WWOX: variants seen among roughly 807,000 people sequenced by gnomAD.
The protein encoded by WWOX is WW domain containing oxidoreductase.
In WWOX, 69 loss-of-function variants were observed where a neutral mutation model predicts 46.2. The observed-to-expected ratio is 1.49, with a 90% CI of 1.23 to 1.82. WWOX has a LOEUF of 1.82. WWOX is among the 40% of genes most tolerant of loss of function. The pLI is 0.00. For synonymous variants in WWOX, 359 were observed against 202.6 expected, an observed-to-expected ratio of 1.77 and a Z score of -6.56; for missense variants, 919 against 542.6, an observed-to-expected ratio of 1.69 and a Z score of -6.89.
chr16:78,957,747 C>T (rs1032021072), intron 8 of WWOX, among the ~76,000 whole-genome samples: 1 of 152,186 alleles, frequency 6.6e-6, no homozygotes, highest in African/African-American at 2.4e-5. Context: ...TTGGCAAACA[C>T]CATAGGAACG....
intron 8 of WWOX, among the ~76,000 whole-genome samples, chr16:78,857,236 T>C (rs12935224): frequency 0.48 from 72,580 of 151,974 alleles, 17,991 homozygotes; most frequent in Middle Eastern, 0.68. Flanking sequence ...AAGAAATTCA[T>C]TGAAAAGAAT....
intron 6 of WWOX, among the ~76,000 whole-genome samples, chr16:78,423,998 C>G (rs4575544): frequency 0.29 from 43,526 of 151,842 alleles, 10,561 homozygotes; most frequent in African/African-American, 0.66. Context: ...CTTCTCTTTA[C>G]ACAGAGCGAT....
At chr16:79,154,711 T>C (rs1326134249) in intron 8 of WWOX, among the ~76,000 whole-genome samples, 1 of 152,136 alleles carries the variant, frequency 6.6e-6, no homozygotes, top group East Asian at 1.9e-4. Context: ...ACTTTCATAG[T>C]GTATGTGGAT....
At chr16:78,601,989 G>A (rs1406041123) in intron 8 of WWOX, among the ~76,000 whole-genome samples, 1 of 152,112 alleles carries the variant, frequency 6.6e-6, no homozygotes, top group Non-Finnish European at 1.5e-5. Context: ...ATAAATTATA[G>A]AGTCAGGCAA....
At chr16:79,122,928 G>A (rs2049669875) in intron 8 of WWOX, among the ~76,000 whole-genome samples, 1 of 152,286 alleles carries the variant, frequency 6.6e-6, no homozygotes, top group East Asian at 1.9e-4. Context: ...GGCAGCAATG[G>A]GACCCTTGCC....
intron 8 of WWOX, among the ~76,000 whole-genome samples, chr16:79,097,776 A>G (rs1245320394): frequency 6.6e-6 from 1 of 152,204 alleles, no homozygotes; most frequent in East Asian, 1.9e-4. Context: ...ATAAGAGAGT[A>G]GCGGGGCTGA....
chr16:78,820,746 A>C (rs189124068), intron 8 of WWOX, among the ~76,000 whole-genome samples: 1 of 152,200 alleles, frequency 6.6e-6, no homozygotes, highest in Admixed American at 6.5e-5. Context: ...TCATTGTTTC[A>C]TGGTTTTGGT....
intron 8 of WWOX, among the ~76,000 whole-genome samples, chr16:78,539,317 T>A (rs1013600981): frequency 6.6e-6 from 1 of 152,256 alleles, no homozygotes; most frequent in African/African-American, 2.4e-5. Context: ...TGAGGATTAA[T>A]TGAAATAACT....
intron 6 of WWOX, among the ~76,000 whole-genome samples, chr16:78,391,494 C>T (rs904322452): frequency 3.9e-5 from 6 of 152,186 alleles, no homozygotes; most frequent in Non-Finnish European, 7.3e-5. Context: ...TGTTACTTTG[C>T]ACACTTCAGT....
intron 8 of WWOX, among the ~76,000 whole-genome samples, chr16:79,042,890 T>G (rs2047999321): frequency 6.6e-6 from 1 of 152,226 alleles, no homozygotes; most frequent in African/African-American, 2.4e-5. Context: ...TCTATTCATG[T>G]GTCCCTGGAT....
At chr16:79,078,269 A>T (rs1157367026) in intron 8 of WWOX, 1 of 152,204 alleles carries the variant, frequency 6.6e-6, no homozygotes, top group East Asian at 1.9e-4. Context: ...GTTTGGTGAC[A>T]CAACTCTTCC....
At chr16:78,492,152 G>C (rs370867874) in intron 8 of WWOX, among the ~76,000 whole-genome samples, 1 of 152,190 alleles carries the variant, frequency 6.6e-6, no homozygotes, top group African/African-American at 2.4e-5. Flanking sequence ...GATGAGTGGC[G>C]TTTCCACACA....
intron 5 of WWOX, among the ~76,000 whole-genome samples, chr16:78,220,220 C>T (rs1278652491): frequency 6.6e-6 from 1 of 152,102 alleles, no homozygotes; most frequent in Admixed American, 6.5e-5. Flanking sequence ...CTTTGGCCTC[C>T]CATGTGGGTA....
chr16:78,181,273 C>T (rs926099534), intron 5 of WWOX, among the ~76,000 whole-genome samples: 2 of 151,990 alleles, frequency 1.3e-5, no homozygotes, highest in South Asian at 2.1e-4. Context: ...GGCTTTGCAT[C>T]GTGGTGACGG....
chr16:78,468,789 T>G (rs2084148644), intron 8 of WWOX, among the ~76,000 whole-genome samples: 1 of 152,156 alleles, frequency 6.6e-6, no homozygotes, highest in Admixed American at 6.5e-5. Context: ...ACAGCAACAA[T>G]CTATATTCTG....
chr16:78,690,984 A>T (rs896760117), intron 8 of WWOX, among the ~76,000 whole-genome samples: 1 of 152,130 alleles, frequency 6.6e-6, no homozygotes, highest in Non-Finnish European at 1.5e-5. Context: ...TATATGTCCA[A>T]CGCCATTCGT....
intron 4 of WWOX, among the ~76,000 whole-genome samples, chr16:78,142,509 G>A (rs187296531): frequency 4.7e-4 from 72 of 152,290 alleles, no homozygotes; most frequent in African/African-American, 1.7e-3. Context: ...TATATTTGTG[G>A]TATCTTAGTG....
intron 8 of WWOX, among the ~76,000 whole-genome samples, chr16:78,859,050 G>GTATATATATATATATATACGTA (rs2052652261): frequency 2.4e-5 from 1 of 40,840 alleles, no homozygotes; most frequent in African/African-American, 1.1e-4. Flanking sequence ...ATATATATAT[G>GTATATATATATATATATACGTA]TATATATATA....
At chr16:78,216,153 CAATT>C (rs1251840647) in intron 5 of WWOX, among the ~76,000 whole-genome samples, 2 of 152,006 alleles carry the variant, frequency 1.3e-5, no homozygotes, top group African/African-American at 4.8e-5. Context: ...TGATTCTTGT[CAATT>C]AAATAAGAAC....
Sources: gnomAD v4.1 joint callset for allele counts (sites outside exome capture counted in the v4.1 genomes callset) on GRCh38, gnomAD v4.1.1 for gene constraint, MANE v1.5 for transcripts, NCBI Gene and HGNC (gene_info 2026-07-23, HGNC 2026-07-21) for gene names.